The following CLVS1 variants were observed in gnomAD, a reference collection of about 807,000 sequenced individuals.
CLVS1 encodes the protein clavesin-1.
CLVS1 carries 10 observed loss-of-function variants against 33.1 expected under a neutral mutation model. That is an observed-to-expected ratio of 0.30 (90% confidence interval 0.19 to 0.51). CLVS1 has a LOEUF of 0.51. Ranked by LOEUF, CLVS1 falls within the 20% of genes least tolerant of loss-of-function variation. CLVS1 has a pLI of 0.97. For missense variants in CLVS1, 343 were observed against 433.4 expected, an observed-to-expected ratio of 0.79 and a Z score of 1.85; for synonymous variants, 163 against 166.1, an observed-to-expected ratio of 0.98 and a Z score of 0.14.
chr8:61,379,897 C>A (rs1813801726), intron 3 of CLVS1, among the ~76,000 whole-genome samples: 2 of 152,062 alleles, frequency 1.3e-5, no homozygotes, highest in Admixed American at 6.6e-5. Flanking sequence ...GCTGGCTGTC[C>A]TAGGAAAAGG....
intron 3 of CLVS1, among the ~76,000 whole-genome samples, chr8:61,441,624 T>A (rs564779321): frequency 3.3e-5 from 5 of 152,148 alleles, no homozygotes; most frequent in Non-Finnish European, 7.4e-5. Context: ...AAAATGGCAC[T>A]AGTTAATCCT....
intron 2 of CLVS1, among the ~76,000 whole-genome samples, chr8:61,240,911 TA>T (rs201062770): frequency 1.9e-4 from 29 of 150,382 alleles, no homozygotes; most frequent in African/African-American, 5.9e-4. Flanking sequence ...TTTTTTTTTT[TA>T]AAATAGAGAA....
chr8:61,018,647 G>T, the CLVS1 span, among the ~76,000 whole-genome samples: 1 of 152,164 alleles, frequency 6.6e-6, no homozygotes, highest in African/African-American at 2.4e-5. Flanking sequence ...TATCTTGATT[G>T]TACGTTTTCT....
intron 5 of CLVS1, among the ~76,000 whole-genome samples, chr8:61,459,015 A>G (rs1396802516): frequency 2.6e-5 from 4 of 152,216 alleles, no homozygotes; most frequent in Non-Finnish European, 4.4e-5. Flanking sequence ...GAATCTTCCA[A>G]GTAAGACTTT....
At chr8:61,459,483 C>T (rs1817286094) in intron 5 of CLVS1, among the ~76,000 whole-genome samples, 2 of 151,944 alleles carry the variant, frequency 1.3e-5, no homozygotes, top group African/African-American at 2.4e-5. Context: ...TATATGTTGT[C>T]TTTTATCCCT....
At chr8:61,178,687 A>C (rs888015237) in intron 2 of CLVS1, among the ~76,000 whole-genome samples, 2 of 152,222 alleles carry the variant, frequency 1.3e-5, no homozygotes, top group Non-Finnish European at 2.9e-5. Flanking sequence ...AGTGAGGGCC[A>C]ATATTCAACA....
At chr8:61,269,769 C>G (rs1048637813) in intron 2 of CLVS1, among the ~76,000 whole-genome samples, 1 of 148,948 alleles carries the variant, frequency 6.7e-6, no homozygotes, top group Admixed American at 6.7e-5. Flanking sequence ...ATTTTATTCT[C>G]TTTGAAGCAA....
intron 2 of CLVS1, among the ~76,000 whole-genome samples, chr8:61,368,009 G>T (rs1192832800): frequency 6.6e-6 from 1 of 152,224 alleles, no homozygotes; most frequent in African/African-American, 2.4e-5. Context: ...ATTTTGAAGT[G>T]AAGAAATAGA....
At chr8:60,989,682 T>A in the CLVS1 span, among the ~76,000 whole-genome samples, 1 of 151,778 alleles carries the variant, frequency 6.6e-6, no homozygotes, top group Non-Finnish European at 1.5e-5. Flanking sequence ...TAAGAAAAAA[T>A]TTTCAAAACA....
At chr8:61,488,580 T>A (rs1343972253) in intron 5 of CLVS1, among the ~76,000 whole-genome samples, 1 of 152,212 alleles carries the variant, frequency 6.6e-6, no homozygotes, top group African/African-American at 2.4e-5. Context: ...AATATGATAC[T>A]CTAGGAAGTG....
At chr8:61,397,172 A>G (rs370930638) in intron 3 of CLVS1, among the ~76,000 whole-genome samples, 2 of 151,934 alleles carry the variant, frequency 1.3e-5, no homozygotes, top group East Asian at 1.9e-4. Context: ...GAGAGCTCCA[A>G]TTTCTCTACA....
the CLVS1 span, among the ~76,000 whole-genome samples, chr8:61,050,759 T>C: frequency 6.6e-6 from 1 of 152,252 alleles, no homozygotes; most frequent in African/African-American, 2.4e-5. Flanking sequence ...GTCATTGGTT[T>C]CCTTCCTCGC....
intron 2 of CLVS1, among the ~76,000 whole-genome samples, chr8:61,343,277 A>G (rs1812090538): frequency 6.6e-6 from 1 of 152,228 alleles, no homozygotes; most frequent in African/African-American, 2.4e-5. Context: ...GGGGATGTTT[A>G]TTGGCTGAAG....
chr8:61,041,224 G>A, the CLVS1 span, among the ~76,000 whole-genome samples: 1 of 152,022 alleles, frequency 6.6e-6, no homozygotes, highest in Non-Finnish European at 1.5e-5. Flanking sequence ...ATGCTGTTTT[G>A]GTTATTGTAG....
At chr8:61,394,034 A>T (rs964758509) in intron 3 of CLVS1, among the ~76,000 whole-genome samples, 60 of 152,186 alleles carry the variant, frequency 3.9e-4, no homozygotes, top group African/African-American at 1.4e-3. Flanking sequence ...TACCTCTTAA[A>T]ATCTTATCCC....
intron 1 of CLVS1, among the ~76,000 whole-genome samples, chr8:61,066,109 G>C (rs1379188649): frequency 6.6e-6 from 1 of 152,160 alleles, no homozygotes; most frequent in Non-Finnish European, 1.5e-5. Flanking sequence ...GGACGTAAGG[G>C]GGTAAAAGTG....
the CLVS1 span, among the ~76,000 whole-genome samples, chr8:60,983,691 A>G: frequency 2.0e-5 from 3 of 152,326 alleles, no homozygotes; most frequent in South Asian, 2.1e-4. Context: ...GGAAAGAAGC[A>G]TATCCAGGTG....
chr8:60,977,828 G>T, the CLVS1 span, among the ~76,000 whole-genome samples: 2 of 149,106 alleles, frequency 1.3e-5, no homozygotes, highest in Admixed American at 1.3e-4. Context: ...ACTCCAAGAG[G>T]CATAAACTCA....
At chr8:61,326,296 G>A (rs1811382626) in intron 2 of CLVS1, among the ~76,000 whole-genome samples, 1 of 152,152 alleles carries the variant, frequency 6.6e-6, no homozygotes, top group African/African-American at 2.4e-5. Flanking sequence ...TGACTTGAGT[G>A]CCTGGTTCTT....
Sources: allele counts gnomAD v4.1 joint callset (sites outside exome capture counted in the v4.1 genomes callset), GRCh38; gene constraint gnomAD v4.1.1; transcripts MANE v1.5; gene names NCBI Gene and HGNC (gene_info 2026-07-23, HGNC 2026-07-21).